Variants in ITGA2B observed in about 807,000 individuals in gnomAD.
The protein encoded by ITGA2B is integrin alpha-IIb.
In ITGA2B, 91 loss-of-function variants were observed where a neutral mutation model predicts 142.0. The observed-to-expected ratio is 0.64, with a 90% CI of 0.54 to 0.76. ITGA2B has a LOEUF of 0.76. Ranked by LOEUF, ITGA2B falls within the 30% of genes least tolerant of loss-of-function variation. The pLI is 0.00. For synonymous variants in ITGA2B, 536 were observed against 567.2 expected (o/e 0.94, Z 0.78); for missense variants, 1,231 against 1,350.8 (o/e 0.91, Z 1.39).
intron 20 of ITGA2B, 83 bp from the exon 21 acceptor site, chr17:44,377,873 T>C: frequency 3.0e-6 from 2 of 669,416 alleles, no homozygotes; most frequent in Non-Finnish European, 4.8e-6. Context: ...TGGAAAGATT[T>C]GTGTGCCAAG....
At chr17:44,374,506 G>A in intron 28 of ITGA2B, 36 bp from the exon 29 acceptor site, 1 of 1,589,886 alleles carries the variant, frequency 6.3e-7, no homozygotes, top group Non-Finnish European at 8.6e-7. Context: ...CAGTCACCTT[G>A]ACACCTGCCT....
In ITGA2B at chr17:44,389,384, C is replaced by T. The variant is rs1418627739; in HGVS notation, c.90G>A (p.Trp30Ter). 1 of 1,614,172 alleles carries T rather than the reference C, an allele frequency of 6.2e-7. No homozygotes were observed. Among genetic ancestry groups the T allele is most frequent in the Admixed American group, 1.7e-5 (1 of 60,022 alleles). Residue 30 changes from tryptophan to a stop codon, truncating the protein, a stop_gained, in exon 1 of 30, where the codon TGG (tryptophan) becomes TGA (stop). Transcript: ENST00000262407. LOFTEE classifies it high-confidence loss of function. ...GCTGCACTGGGTCCAGGTTCAAGGC[C>T]CAGGCTGGAGGGGCAGCACAAGGTC... is the stretch of plus-strand genomic sequence containing the variant. ...LLGPCAAPPA[W>*]ALNLDPVQLT...
Position 44,389,311 on chromosome 17 carries a change from C to A in ITGA2B, c.163G>T (p.Asp55Tyr). 4.3e-6 allele frequency: 7 copies of A among 1,614,168 alleles called. No individual in the cohort carries two copies. The highest frequency in any genetic ancestry group is 5.9e-6 in the Non-Finnish European group (7 of 1,180,030). ...CTCCCATGGCTGTCCTTGTGGAAGT[C>A]CAGTGAAAATCCAAACTGGCTGCCA... is the stretch of plus-strand genomic sequence containing the variant. ...PNGSQFGFSL[D>Y]FHKDSHGRVA... Residue 55 changes from aspartate to tyrosine, a missense_variant, in exon 1 of 30, where the codon GAC becomes TAC. Transcript: ENST00000262407.
Position 44,375,100 on chromosome 17 carries a change from C to T in ITGA2B, c.2739G>A (p.Ser913=), listed in dbSNP as rs766712350. 2 of 1,549,090 alleles carry T rather than the reference C, an allele frequency of 1.3e-6. No homozygotes were observed. Among genetic ancestry groups the T allele is most frequent in the South Asian group, 1.2e-5 (1 of 84,056 alleles). Reference sequence around the variant, plus strand: ...CACACTGCACCACAGTACAGGGCGCCGAGTCGCAGCTCTGAGGGGAAGCAT... The same window carrying T: ...CACACTGCACCACAGTACAGGGCGCTGAGTCGCAGCTCTGAGGGGAAGCAT... ...LQDPVLVSCD[S]APCTVVQCDL... The change falls in exon 27 of 30, where the codon TCG becomes TCA. Residue 913 remains serine (S), a synonymous_variant. Transcript: ENST00000262407.
rs572325335 is a variant in ITGA2B, at chr17:44,384,816, G to A, written c.799+132C>T. 2.1e-6 allele frequency: 3 copies of A among 1,459,228 alleles called. No individual in the cohort carries two copies. The East Asian group carries it at 6.8e-5, about 33-fold the overall frequency. The allele number at this position is 1,459,228 out of a possible 1,614,324, so 90.4% of individuals were successfully genotyped here. A position where few individuals can be genotyped will look rare whatever the true frequency, so the allele number is the denominator to read the frequency against. On this transcript the variant is annotated intron_variant, in intron 7 of 29. Coordinates refer to ENST00000262407, the MANE Select transcript of ITGA2B (RefSeq NM_000419.5). ...GGTCTGCGGGGAAGCCGCAGGAGCG[G>A]AGGGCGGGAGCGGCTTAGGCGGTGG... is the stretch of plus-strand genomic sequence containing the variant.
At chr17:44,384,623 G>T in intron 7 of ITGA2B, 38 bp from the exon 8 acceptor site, 2 of 1,611,368 alleles carry the variant, frequency 1.2e-6, no homozygotes, top group Non-Finnish European at 1.7e-6. Flanking sequence ...TTCCAGGGGA[G>T]GAAGCACAGA....
At chr17:44,374,219 T>C in intron 29 of ITGA2B, 135 bp downstream of exon 29, 1 of 806,328 alleles carries the variant, frequency 1.2e-6, no homozygotes, top group South Asian at 1.4e-5. Flanking sequence ...AATGACATTC[T>C]AATAGTGGAG....
chr17:44,372,622 T>A (rs1399331121), intron 29 of ITGA2B, among the ~76,000 whole-genome samples, 199 bp from the exon 30 acceptor site: 1 of 152,176 alleles, frequency 6.6e-6, no homozygotes, highest in Non-Finnish European at 1.5e-5. Flanking sequence ...TTTTCTCCCC[T>A]GAGTTTTTAT....
At chr17:44,378,820 G>T in intron 18 of ITGA2B, 110 bp from the exon 19 acceptor site, 2 of 930,726 alleles carry the variant, frequency 2.1e-6, no homozygotes, top group Non-Finnish European at 3.4e-6. Context: ...GGCTTAGGGA[G>T]TAAGAAGATC....
intron 1 of ITGA2B, among the ~76,000 whole-genome samples, chr17:44,386,345 C>T (rs2048649731): frequency 6.6e-6 from 1 of 152,188 alleles, no homozygotes; most frequent in South Asian, 2.1e-4. Flanking sequence ...TAAAGTAACC[C>T]AGTGAGTTGA....
chr17:44,373,753 A>G (rs2048515586), intron 29 of ITGA2B, among the ~76,000 whole-genome samples: 1 of 152,178 alleles, frequency 6.6e-6, no homozygotes, highest in Non-Finnish European at 1.5e-5. Flanking sequence ...TACCCTCTAT[A>G]TCCTCTGAAT....
In ITGA2B at chr17:44,385,566, C is replaced by T. The variant is rs758950072; in HGVS notation, c.559G>A (p.Val187Met). Residue 187 changes from valine to methionine, a missense_variant, in exon 4 of 30, where the codon GTG becomes ATG. Around this residue, in one of 3 missense-constraint regions of ITGA2B, gnomAD observed 318 missense variants for 312.2 expected, o/e 1.02. Transcript: ENST00000262407. ...CRGNTLSRIY[V>M]ENDFSWDKRY... The stretch of plus-strand genomic sequence containing the variant: ...TGGCGCTTACTAAAATCATTTTCCA[C>T]GTAAATGCGGCTCAGGGTGTTCCCG... 63 of 1,592,250 alleles carry T rather than the reference C, an allele frequency of 4.0e-5. No homozygotes were observed. The highest frequency in any genetic ancestry group is 4.9e-5 in the Non-Finnish European group (57 of 1,172,300).
In ITGA2B at chr17:44,374,644, TC is replaced by T; in HGVS notation, c.2943+14del. 1.9e-6 allele frequency: 3 copies of T among 1,603,012 alleles called. No individual in the cohort carries two copies. Among genetic ancestry groups the T allele is most frequent in the South Asian group, 1.1e-5 (1 of 90,828 alleles). ...TCCTGCAGGACTGGTCTCTGCTCCA[TC>T]CCCCCACACTCACCTGAGCTTCCCC... On this transcript the variant is annotated intron_variant, in intron 28 of 29. Coordinates refer to ENST00000262407, the MANE Select transcript of ITGA2B (RefSeq NM_000419.5).
chr17:44,387,409 G>C (rs2048658701), intron 1 of ITGA2B, among the ~76,000 whole-genome samples: 2 of 152,146 alleles, frequency 1.3e-5, no homozygotes, highest in Admixed American at 1.3e-4. Context: ...TGTAATCCCA[G>C]CTACTCGGGA....
rs755197006 is a variant in ITGA2B at position 44,372,423 on chromosome 17, C to T, written c.3061G>A (p.Val1021Ile). 3 of 1,614,004 alleles carry T rather than the reference C, an allele frequency of 1.9e-6. No homozygotes were observed. Among genetic ancestry groups the T allele is most frequent in the Non-Finnish European group, 2.5e-6 (3 of 1,179,970 alleles). Residue 1021 changes from valine (V) to isoleucine (I), a missense_variant and splice_region_variant, in exon 30 of 30, where the codon GTC becomes ATC. Physicochemically the swap from Val to Ile is conservative, Grantham distance 29. Coordinates refer to ENST00000262407, the MANE Select transcript of ITGA2B (RefSeq NM_000419.5). ...LTILVLAMWKVGFFKRNRPPL... is the reference protein window; with the variant it reads ...LTILVLAMWKIGFFKRNRPPL... ...GGCCGGTTCCGCTTGAAGAAGCCGA[C>T]CTGGGGGTACACGGGGGCCAAGGTC...
chr17:44,374,935 C>A, intron 27 of ITGA2B, 63 bp downstream of exon 27: 1 of 1,415,648 alleles, frequency 7.1e-7, no homozygotes, highest in South Asian at 1.2e-5. Context: ...AACCCCGCCC[C>A]TCCCAGAGCA....
At chr17:44,383,470 G>C in intron 12 of ITGA2B, 23 bp downstream of exon 12, 1 of 1,587,784 alleles carries the variant, frequency 6.3e-7, no homozygotes, top group Non-Finnish European at 8.5e-7. Flanking sequence ...TCTGCAGCAA[G>C]TAGGGCTCCT....
At chr17:44,376,631 G>A (rs1270890257) in intron 22 of ITGA2B, among the ~76,000 whole-genome samples, 2 of 151,146 alleles carry the variant, frequency 1.3e-5, no homozygotes, top group Non-Finnish European at 2.9e-5. Flanking sequence ...ATAGAATCTC[G>A]CACTGTCGCC....
chr17:44,384,828 G>A (rs1171906516), intron 7 of ITGA2B, 120 bp downstream of exon 7: 10 of 1,515,000 alleles, frequency 6.6e-6, no homozygotes, highest in East Asian at 4.5e-5. Context: ...GGGCGGGAGC[G>A]GCTTAGGCGG....
Sources: gnomAD v4.1 joint callset for allele counts (sites outside exome capture counted in the v4.1 genomes callset) on GRCh38, gnomAD v4.1.1 for gene constraint, gnomAD v4.1.1 regional missense constraint, MANE v1.5 for transcripts, NCBI Gene and HGNC (gene_info 2026-07-23, HGNC 2026-07-21) for gene names.